Variants in PARD3B observed in about 807,000 individuals in gnomAD.
PARD3B encodes par-3 family cell polarity regulator beta.
PARD3B carries 103 observed loss-of-function variants against 130.2 expected under a neutral mutation model. That is an observed-to-expected ratio of 0.79 (90% CI 0.67 to 0.93). The LOEUF is 0.93. Ranked by LOEUF, PARD3B falls within the 40% of genes least tolerant of loss-of-function variation. The pLI is 0.00. For synonymous variants in PARD3B, 583 were observed against 553.2 expected (o/e 1.05, Z -0.76); for missense variants, 1,609 against 1,499.2 (o/e 1.07, Z -1.21).
chr2:205,083,151 C>A (rs1480554808), intron 4 of PARD3B, among the ~76,000 whole-genome samples: 2 of 151,932 alleles, frequency 1.3e-5, no homozygotes, highest in Non-Finnish European at 2.9e-5. Context: ...GAACTCCTGA[C>A]CTCATGATCT....
intron 3 of PARD3B, among the ~76,000 whole-genome samples, chr2:205,035,110 C>CG (rs1193753063): frequency 1.2e-4 from 18 of 151,848 alleles, no homozygotes; most frequent in Admixed American, 2.6e-4. Context: ...TGATCCCCCC[C>CG]CCTCAGCCTC....
At position 205,215,566 on chromosome 2, in the gene PARD3B, A is replaced by G. The variant is rs543589129; in HGVS notation, c.2140+22246A>G. Among the ~76,000 whole-genome samples the G allele has an allele frequency of 2.9e-4, 44 of 152,274 alleles. 1 individual carries two copies. The South Asian group carries it at 8.7e-3, about 30-fold the overall frequency. ...CAAAAGAAATTTATTTGGGACATAA[A>G]TATGAAATATATTCAACCTCACAAG... is the stretch of plus-strand genomic sequence containing the variant. On this transcript the variant is annotated intron_variant, in intron 15 of 22. Transcript: ENST00000406610.
intron 22 of PARD3B, among the ~76,000 whole-genome samples, chr2:205,600,192 A>G (rs1366458957): frequency 6.6e-6 from 1 of 152,230 alleles, no homozygotes; most frequent in Non-Finnish European, 1.5e-5. Flanking sequence ...ACAGCCATGA[A>G]TAGCTAAGAG....
chr2:204,660,520 T>C (rs1201278828), intron 1 of PARD3B, among the ~76,000 whole-genome samples: 1 of 152,174 alleles, frequency 6.6e-6, no homozygotes, highest in Non-Finnish European at 1.5e-5. Context: ...AAGTTGCTAA[T>C]ATACTGTTCT....
chr2:205,583,400 T>TGCGC (rs1553553120), intron 22 of PARD3B, among the ~76,000 whole-genome samples: 1 of 133,890 alleles, frequency 7.5e-6, no homozygotes, highest in South Asian at 2.3e-4. Flanking sequence ...TGTGTGTGTG[T>TGCGC]GCGCGCGCAC....
At chr2:204,760,409 T>G (rs1216074515) in intron 2 of PARD3B, among the ~76,000 whole-genome samples, 8 of 152,088 alleles carry the variant, frequency 5.3e-5, no homozygotes, top group African/African-American at 2.4e-5. Context: ...GTATAATATT[T>G]CATAAAGTCA....
intron 21 of PARD3B, among the ~76,000 whole-genome samples, chr2:205,518,590 A>T (rs2050893147): frequency 6.6e-6 from 1 of 152,110 alleles, no homozygotes; most frequent in African/African-American, 2.4e-5. Flanking sequence ...TTCAAGGTTA[A>T]TATTGATATG....
At chr2:204,611,644 T>C (rs1402663610) in intron 1 of PARD3B, among the ~76,000 whole-genome samples, 1 of 152,204 alleles carries the variant, frequency 6.6e-6, no homozygotes, top group Non-Finnish European at 1.5e-5. Flanking sequence ...GTAAGATATA[T>C]ATAAACAACG....
chr2:204,939,766 A>G (rs1275796237), intron 2 of PARD3B, among the ~76,000 whole-genome samples: 4 of 152,286 alleles, frequency 2.6e-5, no homozygotes, highest in East Asian at 1.9e-4. Flanking sequence ...AGCTTTTTGC[A>G]AATAACTGAT....
At chr2:205,046,644 C>T (rs535550766) in intron 3 of PARD3B, among the ~76,000 whole-genome samples, 37 of 152,148 alleles carry the variant, frequency 2.4e-4, no homozygotes, top group Admixed American at 1.5e-3. Flanking sequence ...AAGCTGGAAT[C>T]GCTTCAGAGG....
At chr2:205,537,325 G>A (rs965590562) in intron 21 of PARD3B, among the ~76,000 whole-genome samples, 2 of 152,172 alleles carry the variant, frequency 1.3e-5, no homozygotes, top group Admixed American at 1.3e-4. Flanking sequence ...AATTTCAATT[G>A]CTTAGCTGCC....
At chr2:204,901,943 A>C (rs911039149) in intron 2 of PARD3B, among the ~76,000 whole-genome samples, 1 of 151,906 alleles carries the variant, frequency 6.6e-6, no homozygotes, top group Non-Finnish European at 1.5e-5. Context: ...CTAGTGCCCT[A>C]TTCTACTGTG....
chr2:205,533,298 C>A (rs1288542048), intron 21 of PARD3B, among the ~76,000 whole-genome samples: 1 of 152,138 alleles, frequency 6.6e-6, no homozygotes, highest in Non-Finnish European at 1.5e-5. Flanking sequence ...AGGAGGAACA[C>A]CCCAGTGCCC....
At chr2:205,354,146 C>T (rs1024940748) in intron 18 of PARD3B, among the ~76,000 whole-genome samples, 8 of 148,340 alleles carry the variant, frequency 5.4e-5, no homozygotes, top group Non-Finnish European at 7.4e-5. Context: ...TCAAGTGATT[C>T]TCCCACCTCA....
At chr2:205,206,804 TCAA>T (rs1310354305) in intron 15 of PARD3B, among the ~76,000 whole-genome samples, 3 of 151,756 alleles carry the variant, frequency 2.0e-5, no homozygotes, top group Non-Finnish European at 4.4e-5. Context: ...ATTAGACAGA[TCAA>T]CGAGACAGAA....
intron 1 of PARD3B, among the ~76,000 whole-genome samples, chr2:204,587,510 G>A (rs954205805): frequency 1.3e-5 from 2 of 152,116 alleles, no homozygotes; most frequent in Non-Finnish European, 1.5e-5. Context: ...GCTTTATGAG[G>A]ACATTTAAAT....
chr2:204,859,847 G>A (rs1179757360), intron 2 of PARD3B, among the ~76,000 whole-genome samples: 2 of 152,172 alleles, frequency 1.3e-5, no homozygotes, highest in African/African-American at 2.4e-5. Flanking sequence ...CCTTAGGGAG[G>A]ATATTAATGG....
rs958189681 is a variant in PARD3B, at chr2:205,341,183, G to A, written c.2630+39482G>A. ...TAGAACCATTATGGGAAACAGTATAGTGGTTTAAAATCTATATTAAAATTA... is the reference window on the plus strand; with the variant it reads ...TAGAACCATTATGGGAAACAGTATAATGGTTTAAAATCTATATTAAAATTA... On this transcript the variant is annotated intron_variant, in intron 18 of 22. Coordinates refer to ENST00000406610, the MANE Select transcript of PARD3B (RefSeq NM_001302769.2). The surrounding 1 kb of genome is among the most constrained non-coding windows in gnomAD (Gnocchi z 4.3). Among the ~76,000 whole-genome samples, 1 of 152,144 alleles carries A rather than the reference G, an allele frequency of 6.6e-6. No individual in the cohort carries two copies. The highest frequency in any genetic ancestry group is 6.5e-5 in the Admixed American group (1 of 15,276).
intron 15 of PARD3B, among the ~76,000 whole-genome samples, chr2:205,224,102 G>A (rs1416431910): frequency 6.7e-6 from 1 of 148,960 alleles, no homozygotes; most frequent in Non-Finnish European, 1.5e-5. Context: ...AGGCACGGTG[G>A]CTCACACCTG....
Sources: gnomAD v4.1 joint callset for allele counts (sites outside exome capture counted in the v4.1 genomes callset) on GRCh38, gnomAD v4.1.1 for gene constraint, Gnocchi (gnomAD v3.1) non-coding constraint, MANE v1.5 for transcripts, NCBI Gene and HGNC (gene_info 2026-07-23, HGNC 2026-07-21) for gene names.